Variants in XDH observed in about 807,000 individuals in gnomAD.
The protein encoded by XDH is xanthine dehydrogenase/oxidase.
XDH carries 138 observed loss-of-function variants against 156.1 expected under a neutral mutation model. That is an observed-to-expected ratio of 0.88 (90% CI 0.77 to 1.02). The LOEUF (loss-of-function observed/expected upper bound fraction) is 1.02. Among genes scored for constraint, XDH ranks in the 50% least tolerant of loss-of-function variants. The probability of loss-of-function intolerance (pLI) is 0.00; values close to 1 mark genes in which losing one functional copy is unlikely to be tolerated. For missense variants in XDH, 1,849 were observed against 1,684.9 expected, an observed-to-expected ratio of 1.10 and a Z score of -1.71; for synonymous variants, 669 against 625.7, an observed-to-expected ratio of 1.07 and a Z score of -1.03.
rs1045377568 is a variant in XDH at position 31,369,187 on chromosome 2, G to C, written c.1981-527C>G. 2.0e-5 allele frequency among the ~76,000 whole-genome samples: 3 copies of C among 152,044 alleles called. No individual in the cohort carries two copies. In the South Asian group the frequency reaches 6.2e-4, roughly 32 times the overall value. Reference sequence around the variant, plus strand: ...TTCTCAAAGGCTGTAAAGGCTGTAAGCATCAATATAAGGCCTGTAAGACAC... The same window carrying C: ...TTCTCAAAGGCTGTAAAGGCTGTAACCATCAATATAAGGCCTGTAAGACAC... On this transcript the variant is annotated intron_variant, in intron 18 of 35. Transcript: ENST00000379416.
intron 9 of XDH, among the ~76,000 whole-genome samples, 171 bp downstream of exon 9, chr2:31,386,243 T>G (rs990579895): frequency 1.3e-5 from 2 of 152,164 alleles, no homozygotes; most frequent in African/African-American, 4.8e-5. Context: ...GCTAGGGGCC[T>G]TTGCAGGAAC....
chr2:31,380,045 G>A, intron 12 of XDH, 69 bp from the exon 13 acceptor site: 1 of 1,472,634 alleles, frequency 6.8e-7, no homozygotes, highest in Non-Finnish European at 9.5e-7. Context: ...GGGGAGAAAG[G>A]ATAACCATCA....
intron 1 of XDH, among the ~76,000 whole-genome samples, chr2:31,406,201 A>G (rs1202173514): frequency 6.6e-6 from 1 of 152,276 alleles, no homozygotes; most frequent in African/African-American, 2.4e-5. Flanking sequence ...GCTTAGTGCC[A>G]TCCCCTTAGT....
chr2:31,380,029 C>T (rs2148779159), intron 12 of XDH, 53 bp from the exon 13 acceptor site: 1 of 1,556,986 alleles, frequency 6.4e-7, no homozygotes, highest in Non-Finnish European at 8.8e-7. Flanking sequence ...GCTGGGAACC[C>T]CCCATGGGGA....
At chr2:31,349,662 T>G (rs1400697694) in intron 26 of XDH, 24 bp downstream of exon 26, 1 of 1,614,174 alleles carries the variant, frequency 6.2e-7, no homozygotes, top group Admixed American at 1.7e-5. Flanking sequence ...GAAGAGCAAC[T>G]GGACTTCTAC....
intron 8 of XDH, 47 bp from the exon 9 acceptor site, chr2:31,386,602 T>C (rs1272652995): frequency 6.2e-7 from 1 of 1,612,896 alleles, no homozygotes; most frequent in Non-Finnish European, 8.5e-7. Flanking sequence ...CTTCCTACTG[T>C]CATTCCTCTT....
Position 31,368,058 on chromosome 2 carries a change from C to T in XDH, c.2101-1G>A. On this transcript the variant is annotated splice_acceptor_variant, in intron 19 of 35. Coordinates refer to ENST00000379416, the MANE Select transcript of XDH (RefSeq NM_000379.4). LOFTEE classifies it high-confidence loss of function. ...AAAAGGAGTTGTTCTTTATAGCATC[C>T]TGAGGATCACAAAGAAGTTTCAGAA... The T allele has an allele frequency of 6.2e-7, 1 of 1,613,956 alleles. No individual in the cohort carries two copies. The highest frequency in any genetic ancestry group is 8.5e-7 in the Non-Finnish European group (1 of 1,179,848).
intron 3 of XDH, among the ~76,000 whole-genome samples, chr2:31,402,531 G>C (rs1259658489): frequency 6.6e-6 from 1 of 152,136 alleles, no homozygotes; most frequent in East Asian, 1.9e-4. Flanking sequence ...TTCCTGGAGG[G>C]GGTGATATTT....
intron 29 of XDH, 41 bp from the exon 30 acceptor site, chr2:31,346,884 C>T: frequency 6.2e-7 from 1 of 1,613,166 alleles, no homozygotes; most frequent in Non-Finnish European, 8.5e-7. Flanking sequence ...CATCAGTCCT[C>T]TGCATTCTGT....
At chr2:31,401,641 C>T (rs1687064014) in intron 3 of XDH, among the ~76,000 whole-genome samples, 1 of 152,210 alleles carries the variant, frequency 6.6e-6, no homozygotes, top group African/African-American at 2.4e-5. Context: ...CAGCCTGACC[C>T]AGGAGGCTGA....
chr2:31,336,220 G>A (rs982170207), intron 35 of XDH, among the ~76,000 whole-genome samples: 1 of 152,202 alleles, frequency 6.6e-6, no homozygotes, highest in Non-Finnish European at 1.5e-5. Flanking sequence ...CATGGCAGGC[G>A]TTCTATTAGG....
rs1424102502 is a variant in XDH at position 31,365,467 on chromosome 2, G to T, written c.2534C>A (p.Ala845Asp). 8.1e-6 allele frequency: 13 copies of T among 1,614,038 alleles called. No individual in the cohort carries two copies. The highest frequency in any genetic ancestry group is 1.1e-5 in the Non-Finnish European group (13 of 1,180,022). Residue 845 changes from alanine to aspartate, a missense_variant, in exon 23 of 36, where the codon GCC (alanine) becomes GAC (aspartate). Transcript: ENST00000379416. ...CCCAACATCTAGAACCTTGTATCTG[G>T]CCAGGAAGGGATGTCTGCCACCAGT... Reference protein sequence around the residue: ...LITGGRHPFLARYKVGFMKTG... With the variant: ...LITGGRHPFLDRYKVGFMKTG...
chr2:31,387,961 A>C, intron 7 of XDH, 64 bp from the exon 8 acceptor site: 1 of 1,510,046 alleles, frequency 6.6e-7, no homozygotes, highest in Non-Finnish European at 9.0e-7. Flanking sequence ...CAAGAGGACC[A>C]ATTCAGCCTT....
chr2:31,351,575 C>T (rs1685482560), intron 24 of XDH, among the ~76,000 whole-genome samples: 1 of 152,200 alleles, frequency 6.6e-6, no homozygotes, highest in Non-Finnish European at 1.5e-5. Context: ...TTCCCTTCAC[C>T]TCTCTCCATA....
At chr2:31,375,824 T>A (rs1686229599) in intron 14 of XDH, among the ~76,000 whole-genome samples, 1 of 152,236 alleles carries the variant, frequency 6.6e-6, no homozygotes, top group South Asian at 2.1e-4. Flanking sequence ...ACATCTTAAG[T>A]GTTTTATATG....
At chr2:31,357,951 A>G (rs958637804) in intron 24 of XDH, among the ~76,000 whole-genome samples, 1 of 152,214 alleles carries the variant, frequency 6.6e-6, no homozygotes, top group South Asian at 2.1e-4. Context: ...TAGAACTATT[A>G]AGGAAATTTA....
At chr2:31,363,683 A>G (rs1685835453) in intron 24 of XDH, among the ~76,000 whole-genome samples, 1 of 152,218 alleles carries the variant, frequency 6.6e-6, no homozygotes, top group African/African-American at 2.4e-5. Flanking sequence ...CATCACAGAA[A>G]TGTGTAACAC....
chr2:31,386,141 A>C lies in XDH; in HGVS notation c.793+273T>G, dbSNP rs181094445. Reference sequence around the variant, plus strand: ...CAAGGAGTTGTTAGTATCCCCATATAAAAAACAGAAAATGAGGGTAGATGA... The same window carrying C: ...CAAGGAGTTGTTAGTATCCCCATATCAAAAACAGAAAATGAGGGTAGATGA... On this transcript the variant is annotated intron_variant, in intron 9 of 35. Transcript: ENST00000379416. 6.3e-3 allele frequency among the ~76,000 whole-genome samples: 965 copies of C among 152,250 alleles called. 15 individuals carry two copies. Among genetic ancestry groups the C allele is most frequent in the Admixed American group, 0.028 (430 of 15,288 alleles).
At chr2:31,405,571 A>C (rs1000596850) in intron 2 of XDH, among the ~76,000 whole-genome samples, 1 of 152,120 alleles carries the variant, frequency 6.6e-6, no homozygotes, top group Admixed American at 6.5e-5. Flanking sequence ...AGCAAATGTC[A>C]CCTAAGGAAG....
Sources: allele counts gnomAD v4.1 joint callset (sites outside exome capture counted in the v4.1 genomes callset), GRCh38; gene constraint gnomAD v4.1.1; transcripts MANE v1.5; gene names NCBI Gene and HGNC (gene_info 2026-07-23, HGNC 2026-07-21).